The following GALNT13 variants were observed in gnomAD, a reference collection of about 807,000 sequenced individuals.
GALNT13 encodes the protein polypeptide N-acetylgalactosaminyltransferase 13.
GALNT13 carries 28 observed loss-of-function variants against 64.2 expected under a neutral mutation model. The ratio of observed to expected loss-of-function variants is 0.44; its 90% confidence interval spans 0.32 to 0.60. The LOEUF is 0.60. Ranked by LOEUF, GALNT13 falls within the 20% of genes least tolerant of loss-of-function variation. GALNT13 has a pLI of 0.05. For missense variants in GALNT13, 577 were observed against 669.8 expected, an observed-to-expected ratio of 0.86 and a Z score of 1.53; for synonymous variants, 214 against 224.6, an observed-to-expected ratio of 0.95 and a Z score of 0.42.
chr2:153,913,290 G>A (rs1689103316), intron 2 of GALNT13, among the ~76,000 whole-genome samples: 1 of 152,158 alleles, frequency 6.6e-6, no homozygotes, highest in South Asian at 2.1e-4. Context: ...TGACAGGTGG[G>A]GTGGGGGGCA....
the GALNT13 span, among the ~76,000 whole-genome samples, chr2:153,097,511 G>T: frequency 2.0e-5 from 3 of 152,070 alleles, no homozygotes; most frequent in Non-Finnish European, 1.5e-5. Context: ...ATGCTTAGAT[G>T]TATACCAGTA....
At chr2:153,387,323 C>G in the GALNT13 span, among the ~76,000 whole-genome samples, 1 of 152,050 alleles carries the variant, frequency 6.6e-6, no homozygotes, top group African/African-American at 2.4e-5. Context: ...CGCAGCAGGT[C>G]TAATACCCAC....
chr2:153,247,354 G>A, the GALNT13 span, among the ~76,000 whole-genome samples: 2 of 152,112 alleles, frequency 1.3e-5, no homozygotes, highest in Non-Finnish European at 2.9e-5. Context: ...GTGCCATATG[G>A]CAGGTATTCT....
chr2:154,016,471 G>A (rs912013315), intron 3 of GALNT13, among the ~76,000 whole-genome samples: 3 of 152,160 alleles, frequency 2.0e-5, no homozygotes, highest in Non-Finnish European at 4.4e-5. Context: ...AGGCTGGAGT[G>A]CAGTGGTGCG....
chr2:153,637,319 C>T, the GALNT13 span, among the ~76,000 whole-genome samples: 191 of 152,236 alleles, frequency 1.3e-3, no homozygotes, highest in African/African-American at 4.4e-3. Flanking sequence ...TGCAATCTAT[C>T]ACATGATCTT....
chr2:153,071,520 A>G, the GALNT13 span, among the ~76,000 whole-genome samples: 1 of 152,214 alleles, frequency 6.6e-6, no homozygotes, highest in Non-Finnish European at 1.5e-5. Context: ...CAATGTGGTT[A>G]TATGTATGGA....
At chr2:154,236,139 G>C (rs1008271090) in intron 4 of GALNT13, 177 of 1,127,242 alleles carry the variant, frequency 1.6e-4, no homozygotes, top group Non-Finnish European at 1.8e-4. Flanking sequence ...CCCTGCTTTC[G>C]TGACAGTAAA....
intron 8 of GALNT13, among the ~76,000 whole-genome samples, chr2:154,293,676 G>C (rs1312646447): frequency 6.6e-6 from 1 of 152,110 alleles, no homozygotes; most frequent in East Asian, 1.9e-4. Flanking sequence ...AGAGCCTGTA[G>C]AAAAATTCTG....
the GALNT13 span, among the ~76,000 whole-genome samples, chr2:153,276,086 C>G: frequency 2.6e-5 from 4 of 151,776 alleles, no homozygotes; most frequent in African/African-American, 9.7e-5. Context: ...GCATTTTGTT[C>G]CTGTTTATTT....
chr2:153,899,049 A>G (rs1460245034), intron 1 of GALNT13, among the ~76,000 whole-genome samples: 1 of 152,196 alleles, frequency 6.6e-6, no homozygotes, highest in East Asian at 1.9e-4. Context: ...CAAAAAACCT[A>G]CATATAAGGA....
the GALNT13 span, among the ~76,000 whole-genome samples, chr2:153,663,462 TGAAAA>T: frequency 2.0e-5 from 3 of 152,100 alleles, no homozygotes; most frequent in Non-Finnish European, 4.4e-5. Context: ...AAAAAAAAAG[TGAAAA>T]GAAAATCTTT....
At chr2:153,413,992 G>A in the GALNT13 span, among the ~76,000 whole-genome samples, 2 of 152,074 alleles carry the variant, frequency 1.3e-5, no homozygotes, top group Admixed American at 1.3e-4. Flanking sequence ...AAGGGAGAAT[G>A]GAAGAAAAAA....
At chr2:153,316,136 A>G in the GALNT13 span, among the ~76,000 whole-genome samples, 1 of 152,066 alleles carries the variant, frequency 6.6e-6, no homozygotes, top group South Asian at 2.1e-4. Flanking sequence ...AGAAAGAAAA[A>G]AGAAAACAAA....
At chr2:153,347,521 TA>T in the GALNT13 span, among the ~76,000 whole-genome samples, 1 of 152,132 alleles carries the variant, frequency 6.6e-6, no homozygotes, top group African/African-American at 2.4e-5. Flanking sequence ...GGAGTTCGTT[TA>T]AAAAAACTGA....
chr2:154,256,940 A>T (rs1392387023), intron 7 of GALNT13, among the ~76,000 whole-genome samples: 2 of 152,144 alleles, frequency 1.3e-5, no homozygotes, highest in African/African-American at 4.8e-5. Context: ...GGGCATATGT[A>T]AATATTTTAT....
the GALNT13 span, among the ~76,000 whole-genome samples, chr2:153,082,181 T>G: frequency 2.0e-5 from 3 of 152,182 alleles, no homozygotes; most frequent in Admixed American, 2.0e-4. Context: ...GAAATGAGTT[T>G]TTGGATAACA....
intron 3 of GALNT13, among the ~76,000 whole-genome samples, chr2:154,134,832 A>C (rs531050925): frequency 6.6e-6 from 1 of 152,282 alleles, no homozygotes; most frequent in Non-Finnish European, 1.5e-5. Context: ...TGTCTAATAA[A>C]AATACAAAAA....
chr2:153,196,284 G>C, the GALNT13 span, among the ~76,000 whole-genome samples: 1 of 151,860 alleles, frequency 6.6e-6, no homozygotes, highest in African/African-American at 2.4e-5. Flanking sequence ...CTGCAGGCCA[G>C]TGCCAAGCTG....
chr2:153,934,215 G>T (rs1442793980), intron 2 of GALNT13, among the ~76,000 whole-genome samples: 1 of 152,132 alleles, frequency 6.6e-6, no homozygotes, highest in East Asian at 1.9e-4. Context: ...AATTAAGGTG[G>T]TAATTTTATT....
Sources: allele counts gnomAD v4.1 joint callset (sites outside exome capture counted in the v4.1 genomes callset), GRCh38; gene constraint gnomAD v4.1.1; transcripts MANE v1.5; gene names NCBI Gene and HGNC (gene_info 2026-07-23, HGNC 2026-07-21).